NMNAT3: variants seen among roughly 807,000 people sequenced by gnomAD.
NMNAT3 encodes the protein nicotinamide/nicotinic acid mononucleotide adenylyltransferase 3.
A neutral mutation model predicts 24.8 loss-of-function variants in NMNAT3; 21 were observed. That is an observed-to-expected ratio of 0.85 (90% CI 0.60 to 1.22). The LOEUF is 1.22. NMNAT3 is among the 50% of genes most tolerant of loss of function. The pLI, the probability that NMNAT3 is intolerant of heterozygous loss-of-function variation, is 0.00. For synonymous variants in NMNAT3, 136 were observed against 155.2 expected (o/e 0.88, Z 0.92); for missense variants, 387 against 436.6 (o/e 0.89, Z 1.01).
At chr3:139,577,754 A>G (rs1476982195) in intron 5 of NMNAT3, 2 of 152,336 alleles carry the variant, frequency 1.3e-5, no homozygotes, top group East Asian at 3.9e-4. Flanking sequence ...TGTCATAACA[A>G]TTATTTTATA....
chr3:139,651,231 C>A (rs1025060420), intron 1 of NMNAT3, among the ~76,000 whole-genome samples: 3 of 152,042 alleles, frequency 2.0e-5, no homozygotes, highest in Non-Finnish European at 4.4e-5. Context: ...TATAAATACC[C>A]GCACAGCATA....
chr3:139,632,395 G>A (rs931063886), intron 2 of NMNAT3, among the ~76,000 whole-genome samples: 4 of 152,164 alleles, frequency 2.6e-5, no homozygotes, highest in Non-Finnish European at 2.9e-5. Flanking sequence ...GGATATGCTG[G>A]CCTCCTGCAC....
In NMNAT3 at chr3:139,639,912, C is replaced by G. The variant is rs7634428; in HGVS notation, c.-140-1850G>C. Among the ~76,000 whole-genome samples, 800 of 152,252 alleles carry G rather than the reference C, an allele frequency of 5.3e-3. 7 individuals are homozygous for G. The highest frequency in any genetic ancestry group is 0.019 in the African/African-American group (773 of 41,544). On this transcript the variant is annotated intron_variant, in intron 1 of 6. Transcript: ENST00000643695. The stretch of plus-strand genomic sequence containing the variant: ...AGAAGAGAAAGATGCTGAGGAGATA[C>G]TAGAGGTCATGAGGCCCTGACCACA...
At chr3:139,669,796 A>C (rs2057701211) in intron 1 of NMNAT3, among the ~76,000 whole-genome samples, 1 of 152,216 alleles carries the variant, frequency 6.6e-6, no homozygotes, top group South Asian at 2.1e-4. Context: ...AATAAAGTTA[A>C]ATATTTTCTC....
chr3:139,654,151 G>A (rs1292300198), intron 1 of NMNAT3, among the ~76,000 whole-genome samples: 2 of 152,218 alleles, frequency 1.3e-5, no homozygotes, highest in East Asian at 1.9e-4. Context: ...ATAGGAGCAT[G>A]AGAGGTACCT....
chr3:139,609,069 ATTTG>A (rs754048723), intron 3 of NMNAT3, among the ~76,000 whole-genome samples: 12 of 152,126 alleles, frequency 7.9e-5, no homozygotes, highest in Non-Finnish European at 1.6e-4. Context: ...TGCACGAATG[ATTTG>A]TTTCTTTTAT....
At position 139,627,659 on chromosome 3, in the gene NMNAT3, G is replaced by A. The variant is rs190638869; in HGVS notation, c.66C>T (p.His22=). Reference sequence around the variant, plus strand: ...CTCTGGCCACCTCAAACATGCGCAGGTGCATGTTGGTGATGGGGTTAAAGG... The same window carrying A: ...CTCTGGCCACCTCAAACATGCGCAGATGCATGTTGGTGATGGGGTTAAAGG... Residue 22 remains histidine, a synonymous_variant, in exon 3 of 7, where the codon CAC becomes CAT. Transcript: ENST00000643695. The A allele has an allele frequency of 1.3e-5, 20 of 1,596,028 alleles. No individual in the cohort carries two copies. The East Asian group carries it at 3.8e-4, about 30-fold the overall frequency.
At chr3:139,608,913 C>T (rs1244399301) in intron 3 of NMNAT3, among the ~76,000 whole-genome samples, 1 of 152,224 alleles carries the variant, frequency 6.6e-6, no homozygotes, top group Non-Finnish European at 1.5e-5. Flanking sequence ...AACTCCATCT[C>T]TAATCCCTGT....
chr3:139,634,202 C>T (rs2056413712), intron 2 of NMNAT3, among the ~76,000 whole-genome samples: 1 of 152,222 alleles, frequency 6.6e-6, no homozygotes, highest in South Asian at 2.1e-4. Flanking sequence ...TAAGTGCCGT[C>T]ACTGCAGATG....
intron 3 of NMNAT3, among the ~76,000 whole-genome samples, chr3:139,594,647 A>G (rs1191653416): frequency 6.6e-6 from 1 of 152,180 alleles, no homozygotes; most frequent in Non-Finnish European, 1.5e-5. Flanking sequence ...GGGATGCAAG[A>G]CTGGTTCAAT....
At chr3:139,599,384 T>G (rs1334841197) in intron 3 of NMNAT3, 5 of 702,374 alleles carry the variant, frequency 7.1e-6, no homozygotes, top group African/African-American at 5.2e-5. Flanking sequence ...TACCACCTCA[T>G]GCACACTTTT....
chr3:139,588,388 G>GA (rs1252761340), intron 3 of NMNAT3, among the ~76,000 whole-genome samples: 1 of 152,080 alleles, frequency 6.6e-6, no homozygotes, highest in African/African-American at 2.4e-5. Flanking sequence ...TACCCTCTCT[G>GA]AAAACTAAGA....
At chr3:139,603,110 T>A (rs2054786729) in intron 3 of NMNAT3, among the ~76,000 whole-genome samples, 1 of 152,198 alleles carries the variant, frequency 6.6e-6, no homozygotes, top group Non-Finnish European at 1.5e-5. Flanking sequence ...GGTTAAGTGA[T>A]CAAATATGTT....
At chr3:139,663,735 G>A (rs2057492434) in intron 1 of NMNAT3, among the ~76,000 whole-genome samples, 1 of 152,180 alleles carries the variant, frequency 6.6e-6, no homozygotes, top group African/African-American at 2.4e-5. Context: ...CCCGAAGTCA[G>A]GACCTACTGA....
intron 2 of NMNAT3, among the ~76,000 whole-genome samples, 182 bp from the exon 4 acceptor site, chr3:139,627,946 C>G (rs763758343): frequency 6.6e-6 from 1 of 152,198 alleles, no homozygotes; most frequent in Non-Finnish European, 1.5e-5. Flanking sequence ...TATGCCAAGG[C>G]GTATCCTTCT....
At chr3:139,668,763 A>C (rs1364886263) in intron 1 of NMNAT3, among the ~76,000 whole-genome samples, 2 of 152,214 alleles carry the variant, frequency 1.3e-5, no homozygotes, top group Non-Finnish European at 2.9e-5. Flanking sequence ...TGCGTAGAGA[A>C]CTTTGCTGAG....
At chr3:139,630,690 C>A (rs2056258740) in intron 2 of NMNAT3, among the ~76,000 whole-genome samples, 2 of 152,142 alleles carry the variant, frequency 1.3e-5, no homozygotes, top group African/African-American at 4.8e-5. Context: ...AAGCTCTCAG[C>A]CTAGGCGGGC....
chr3:139,668,178 A>G (rs529126877), intron 1 of NMNAT3, among the ~76,000 whole-genome samples: 1 of 152,268 alleles, frequency 6.6e-6, no homozygotes, highest in South Asian at 2.1e-4. Context: ...GGAAGAGAGA[A>G]GAAAGTCCAA....
chr3:139,633,036 T>C (rs554612268), intron 2 of NMNAT3, among the ~76,000 whole-genome samples: 1 of 152,210 alleles, frequency 6.6e-6, no homozygotes, highest in East Asian at 1.9e-4. Flanking sequence ...GAAGGGGCCA[T>C]GAACCAAGCA....
Sources: gnomAD v4.1 joint callset for allele counts (sites outside exome capture counted in the v4.1 genomes callset) on GRCh38, gnomAD v4.1.1 for gene constraint, MANE v1.5 for transcripts, NCBI Gene and HGNC (gene_info 2026-07-23, HGNC 2026-07-21) for gene names.